Variants in GAS7 observed in about 807,000 individuals in gnomAD.
The protein encoded by GAS7 is growth arrest-specific protein 7.
A neutral mutation model predicts 71.1 loss-of-function variants in GAS7; 28 were observed. The ratio of observed to expected loss-of-function variants is 0.39; its 90% CI spans 0.29 to 0.54. The LOEUF is 0.54. Ranked by LOEUF, GAS7 falls within the 20% of genes least tolerant of loss-of-function variation. The pLI is 0.62. For missense variants in GAS7, 436 were observed against 627.8 expected (o/e 0.69, Z 3.27); for synonymous variants, 258 against 245.8 (o/e 1.05, Z -0.46).
At chr17:10,059,808 A>C in intron 1 of GAS7, 1 of 985,154 alleles carries the variant, frequency 1.0e-6, no homozygotes, top group Non-Finnish European at 1.2e-6. Context: ...AGCAGCATTT[A>C]TATATAGAAA....
rs1185847563 is a variant in GAS7, at chr17:9,974,241, G to C, written c.386-4479C>G. Among the ~76,000 whole-genome samples, 3 of 152,166 alleles carry C rather than the reference G, an allele frequency of 2.0e-5. No individual in the cohort carries two copies. The highest frequency in any genetic ancestry group is 4.4e-5 in the Non-Finnish European group (3 of 68,028). ...CAGCTCTCCTCGGACACCCTGTCTG[G>C]CTGCGTTATCACTTGAAGTCTCCCG... On this transcript the variant is annotated intron_variant, in intron 3 of 13. Coordinates refer to ENST00000432992, the MANE Select transcript of GAS7 (RefSeq NM_201433.2). The surrounding 1 kb of genome is among the most constrained non-coding windows in gnomAD (Gnocchi z 4.0).
intron 6 of GAS7, among the ~76,000 whole-genome samples, 171 bp from the exon 7 acceptor site, chr17:9,943,407 C>G (rs733804): frequency 6.6e-6 from 1 of 151,810 alleles, no homozygotes; most frequent in South Asian, 2.1e-4. Context: ...CTGGTGCCCC[C>G]ACTCCCAACA....
At chr17:10,176,671 C>T (rs1441207945) in intron 1 of GAS7, among the ~76,000 whole-genome samples, 1 of 152,170 alleles carries the variant, frequency 6.6e-6, no homozygotes, top group African/African-American at 2.4e-5. Flanking sequence ...CCTGCAGCAG[C>T]CCTACTGAGA....
rs4296298 is a variant in GAS7, at chr17:10,179,190, G to A, written c.183+19018C>T. Among the ~76,000 whole-genome samples the A allele has an allele frequency of 3.8e-3, 571 of 152,188 alleles. 18 individuals are homozygous for A. Among genetic ancestry groups the A allele is most frequent in the Admixed American group, 0.035 (530 of 15,278 alleles). On this transcript the variant is annotated intron_variant, in intron 1 of 13. Coordinates refer to ENST00000432992, the MANE Select transcript of GAS7 (RefSeq NM_201433.2). Reference sequence around the variant, plus strand: ...ACTAAAAATACAAAATTAGCCGGGCGTGGTGGTGCATGCCTGTAATCCCAA... The same window carrying A: ...ACTAAAAATACAAAATTAGCCGGGCATGGTGGTGCATGCCTGTAATCCCAA...
intron 1 of GAS7, among the ~76,000 whole-genome samples, chr17:10,041,410 G>A (rs2072868208): frequency 6.6e-6 from 1 of 152,102 alleles, no homozygotes; most frequent in African/African-American, 2.4e-5. Flanking sequence ...AGACAACAAT[G>A]CATCACTCCA....
chr17:9,948,684 A>G (rs534463329), intron 5 of GAS7, among the ~76,000 whole-genome samples: 1 of 140,074 alleles, frequency 7.1e-6, no homozygotes, highest in Admixed American at 6.9e-5. Flanking sequence ...CTCCCCCTCA[A>G]AAAAAAAAAA....
chr17:9,927,486 A>G (rs2068052144), intron 9 of GAS7, among the ~76,000 whole-genome samples: 1 of 151,832 alleles, frequency 6.6e-6, no homozygotes, highest in African/African-American at 2.4e-5. Context: ...TCTCAAAAAA[A>G]AAAAACAAAA....
At chr17:10,141,035 G>C (rs2074075595) in intron 1 of GAS7, among the ~76,000 whole-genome samples, 1 of 152,262 alleles carries the variant, frequency 6.6e-6, no homozygotes, top group South Asian at 2.1e-4. Context: ...CCCTCTGACA[G>C]CCACAGAAAG....
chr17:10,127,744 C>T (rs1228364139), intron 1 of GAS7, among the ~76,000 whole-genome samples: 3 of 152,208 alleles, frequency 2.0e-5, no homozygotes, highest in Non-Finnish European at 4.4e-5. Context: ...TCCCCCTAAA[C>T]CCCCAAGACT....
chr17:10,142,147 C>T (rs1010171417), intron 1 of GAS7, among the ~76,000 whole-genome samples: 6 of 148,824 alleles, frequency 4.0e-5, no homozygotes, highest in African/African-American at 1.2e-4. Flanking sequence ...ACCCGGGAGG[C>T]GGAGCTTGCA....
chr17:10,028,841 C>T (rs2072537723), intron 1 of GAS7, among the ~76,000 whole-genome samples: 1 of 152,098 alleles, frequency 6.6e-6, no homozygotes, highest in Admixed American at 6.6e-5. Context: ...ACAGAACAAA[C>T]GAGAATTGTT....
At position 9,925,520 on chromosome 17, in the gene GAS7, G is replaced by A; in HGVS notation, c.1094C>T (p.Thr365Ile). Residue 365 changes from threonine (T) to isoleucine (I), a missense_variant, in exon 11 of 14, where the codon ACA (threonine) becomes ATA (isoleucine). By Grantham distance (89) the Thr-to-Ile change is moderately conservative. Coordinates refer to ENST00000432992, the MANE Select transcript of GAS7 (RefSeq NM_201433.2). ...CCGCGCCTTCTTGATGTCCTCCTCTGTCTTGTTGCTCAGCTTGATCTCCAG... is the reference window on the plus strand; with the variant it reads ...CCGCGCCTTCTTGATGTCCTCCTCTATCTTGTTGCTCAGCTTGATCTCCAG... Reference protein sequence around the residue: ...QQLEIKLSNKTEEDIKKARRK... With the variant: ...QQLEIKLSNKIEEDIKKARRK... The A allele has an allele frequency of 6.2e-7, 1 of 1,614,088 alleles. No individual in the cohort carries two copies. The highest frequency in any genetic ancestry group is 8.5e-7 in the Non-Finnish European group (1 of 1,179,974).
chr17:9,938,605 C>T (rs943264909), intron 8 of GAS7, among the ~76,000 whole-genome samples: 1 of 151,588 alleles, frequency 6.6e-6, no homozygotes, highest in Non-Finnish European at 1.5e-5. Flanking sequence ...GAGTCCTTAC[C>T]AGGCACCAAC....
intron 1 of GAS7, among the ~76,000 whole-genome samples, chr17:10,115,252 A>C (rs1281095187): frequency 6.6e-6 from 1 of 152,238 alleles, no homozygotes; most frequent in African/African-American, 2.4e-5. Flanking sequence ...TGAGTGAGTC[A>C]CCAGCCAGCA....
intron 3 of GAS7, among the ~76,000 whole-genome samples, chr17:9,979,607 C>A (rs1253039405): frequency 1.3e-5 from 2 of 152,138 alleles, no homozygotes; most frequent in Non-Finnish European, 2.9e-5. Context: ...CCCAGGAGAG[C>A]AGGCTTTGGA....
intron 8 of GAS7, among the ~76,000 whole-genome samples, 158 bp from the exon 9 acceptor site, chr17:9,934,402 G>A (rs543180515): frequency 6.6e-6 from 1 of 152,176 alleles, no homozygotes; most frequent in Admixed American, 6.5e-5. Context: ...TGAGCATCAC[G>A]TTTCAACTCA....
At chr17:9,977,742 G>A (rs942895107) in intron 3 of GAS7, among the ~76,000 whole-genome samples, 12 of 151,876 alleles carry the variant, frequency 7.9e-5, no homozygotes, top group Admixed American at 3.9e-4. Flanking sequence ...GTTTGTGCGG[G>A]GGTGGGGAAG....
At chr17:9,990,089 G>A (rs2070783413) in intron 2 of GAS7, among the ~76,000 whole-genome samples, 1 of 152,148 alleles carries the variant, frequency 6.6e-6, no homozygotes, top group Non-Finnish European at 1.5e-5. Flanking sequence ...CTAACACGGT[G>A]AAACCCCATC....
chr17:9,920,714 A>T (rs562757726), intron 11 of GAS7, among the ~76,000 whole-genome samples: 1 of 152,352 alleles, frequency 6.6e-6, no homozygotes, highest in East Asian at 1.9e-4. Context: ...GCTTTGTCTC[A>T]GCGTAGCTTC....
Sources: gnomAD v4.1 joint callset for allele counts (sites outside exome capture counted in the v4.1 genomes callset) on GRCh38, gnomAD v4.1.1 for gene constraint, Gnocchi (gnomAD v3.1) non-coding constraint, MANE v1.5 for transcripts, NCBI Gene and HGNC (gene_info 2026-07-23, HGNC 2026-07-21) for gene names.